Variants in INSC observed in about 807,000 individuals in gnomAD.
INSC encodes the protein protein inscuteable homolog.
In INSC, 67 loss-of-function variants were observed where a neutral mutation model predicts 58.6. The observed-to-expected ratio is 1.14, with a 90% CI of 0.94 to 1.40. The LOEUF is 1.40. Among genes scored for constraint, INSC ranks in the 40% most tolerant of loss-of-function variants. The pLI, the probability that INSC is intolerant of heterozygous loss-of-function variation, is 0.00. For synonymous variants in INSC, 262 were observed against 276.1 expected (o/e 0.95, Z 0.51); for missense variants, 714 against 692.0 (o/e 1.03, Z -0.36).
chr11:15,207,394 G>T (rs939052), intron 7 of INSC, among the ~76,000 whole-genome samples: 42,537 of 152,088 alleles, frequency 0.28, 6,580 homozygotes, highest in Non-Finnish European at 0.35. Context: ...AGAAATTAAA[G>T]ATGAGGGGAG....
At chr11:15,157,673 G>A (rs922108317) in intron 2 of INSC, among the ~76,000 whole-genome samples, 1 of 152,168 alleles carries the variant, frequency 6.6e-6, no homozygotes, top group African/African-American at 2.4e-5. Context: ...GGGATGTTCA[G>A]CACTAACACA....
At chr11:15,245,858 T>C (rs1164957289) in intron 12 of INSC, 54 bp from the exon 13 acceptor site, 1 of 1,582,928 alleles carries the variant, frequency 6.3e-7, no homozygotes, top group Non-Finnish European at 8.6e-7. Flanking sequence ...AGGAAATACA[T>C]GTACCTGACA....
chr11:15,112,634 G>A (rs1398580991), upstream of INSC: 8 of 343,168 alleles, frequency 2.3e-5, no homozygotes, highest in African/African-American at 3.4e-5. Flanking sequence ...GTGTGTGTGT[G>A]TGTATTGGGA....
chr11:15,153,053 T>C lies in INSC; in HGVS notation c.56+3823T>C, dbSNP rs371279957. Among the ~76,000 whole-genome samples the C allele has an allele frequency of 1.8e-4, 28 of 152,366 alleles. No homozygotes were observed. In the East Asian group the frequency reaches 4.8e-3, roughly 26 times the overall value. ...TTTATTCATTAGCTTTCAACAAAGT[T>C]CTTCTATAAATATTTATGGAGTGCG... is the stretch of plus-strand genomic sequence containing the variant. On this transcript the variant is annotated intron_variant, in intron 2 of 12. Coordinates refer to ENST00000379556, the MANE Select transcript of INSC (RefSeq NM_001042536.3).
intron 2 of INSC, among the ~76,000 whole-genome samples, chr11:15,162,629 G>T (rs181630052): frequency 6.6e-6 from 1 of 152,114 alleles, no homozygotes; most frequent in Non-Finnish European, 1.5e-5. Context: ...CTCCACAGGG[G>T]CTGGAATGTT....
chr11:15,256,193 A>G, the INSC span, among the ~76,000 whole-genome samples: 8 of 152,322 alleles, frequency 5.3e-5, no homozygotes, highest in African/African-American at 1.7e-4. Context: ...TTGGCTGCTC[A>G]CACCATTCCC....
intron 1 of INSC, among the ~76,000 whole-genome samples, chr11:15,147,317 T>A (rs1792536): frequency 0.32 from 47,953 of 152,128 alleles, 8,082 homozygotes; most frequent in Non-Finnish European, 0.38. Flanking sequence ...GGTGATAACA[T>A]GCTTGTTGAG....
chr11:15,238,706 G>A (rs1852223527), intron 10 of INSC, among the ~76,000 whole-genome samples: 1 of 152,160 alleles, frequency 6.6e-6, no homozygotes, highest in Non-Finnish European at 1.5e-5. Flanking sequence ...GTCTTCAGAT[G>A]CTCCTCCCAA....
chr11:15,259,479 C>G, the INSC span, among the ~76,000 whole-genome samples: 23 of 152,132 alleles, frequency 1.5e-4, no homozygotes, highest in Non-Finnish European at 4.4e-5. Flanking sequence ...CTCTTTTACT[C>G]CATACTCTCC....
rs531566604 is a variant in INSC, at chr11:15,130,880, T to G, written c.-46+15877T>G. Among the ~76,000 whole-genome samples the G allele has an allele frequency of 3.3e-4, 50 of 152,274 alleles. 2 individuals are homozygous for G. Among genetic ancestry groups the G allele is most frequent in the African/African-American group, 1.1e-3 (47 of 41,588 alleles). On this transcript the variant is annotated intron_variant, in intron 1 of 12. Coordinates refer to ENST00000379556, the MANE Select transcript of INSC (RefSeq NM_001042536.3). ...CATCTGTAGAAATAAACCTCTTTTA[T>G]TGCCAATATCATTTATTTGTTTCCT...
intron 1 of INSC, among the ~76,000 whole-genome samples, chr11:15,141,509 C>A (rs1446517628): frequency 6.6e-6 from 1 of 152,152 alleles, no homozygotes; most frequent in East Asian, 1.9e-4. Context: ...GGCTCTGACA[C>A]CTGACAGCTG....
intron 12 of INSC, among the ~76,000 whole-genome samples, chr11:15,243,713 T>A (rs1458804703): frequency 2.6e-5 from 4 of 152,118 alleles, no homozygotes; most frequent in African/African-American, 9.7e-5. Context: ...GTTTGCCTTC[T>A]CTCTTAGCAG....
rs201061980 is a variant in INSC, at chr11:15,200,872, C to T, written c.742C>T (p.Arg248Trp). 23 of 1,613,988 alleles carry T rather than the reference C, an allele frequency of 1.4e-5. No homozygotes were observed. Among genetic ancestry groups the T allele is most frequent in the East Asian group, 6.7e-5 (3 of 44,818 alleles). The change falls in exon 7 of 13, where the codon CGG becomes TGG. Residue 248 changes from arginine (R) to tryptophan (W), a missense_variant. Coordinates refer to ENST00000379556, the MANE Select transcript of INSC (RefSeq NM_001042536.3). ...LFKVCRQDSF[R>W]CLYPQALRTL... is the part of the protein sequence containing the mutation. ...CAAGGTTTGCCGGCAGGACAGTTTC[C>T]GGTGCTTGTACCCCCAGGCGCTCCG... is the stretch of plus-strand genomic sequence containing the variant.
chr11:15,130,711 A>C (rs1848104943), intron 1 of INSC, among the ~76,000 whole-genome samples: 1 of 152,148 alleles, frequency 6.6e-6, no homozygotes, highest in Admixed American at 6.5e-5. Flanking sequence ...CCTTACGGGA[A>C]GATTTTCAAC....
downstream of INSC, among the ~76,000 whole-genome samples, chr11:15,251,284 G>C: frequency 6.6e-6 from 1 of 152,166 alleles, no homozygotes; most frequent in East Asian, 1.9e-4. Context: ...CTAAGTATAA[G>C]AGCTAACACT....
At chr11:15,173,684 G>GC (rs1849479462) in intron 2 of INSC, among the ~76,000 whole-genome samples, 1 of 151,770 alleles carries the variant, frequency 6.6e-6, no homozygotes, top group Non-Finnish European at 1.5e-5. Context: ...AAATGTAATA[G>GC]CTATTTCCAT....
At chr11:15,112,479 C>G, upstream of INSC, 1 of 1,607,266 alleles carries the variant, frequency 6.2e-7, no homozygotes, top group Non-Finnish European at 8.5e-7. Flanking sequence ...CATGAGACGG[C>G]CCCCTGGCAA....
chr11:15,231,284 G>A (rs975185319), intron 9 of INSC, among the ~76,000 whole-genome samples: 1 of 152,186 alleles, frequency 6.6e-6, no homozygotes, highest in African/African-American at 2.4e-5. Flanking sequence ...GAAGCACTGG[G>A]CTTCCCCTAG....
intron 5 of INSC, among the ~76,000 whole-genome samples, chr11:15,190,467 A>G (rs1324133467): frequency 6.6e-6 from 1 of 152,238 alleles, no homozygotes; most frequent in Non-Finnish European, 1.5e-5. Flanking sequence ...GTTATGGCCT[A>G]TGTATCAAGG....
Sources: allele counts gnomAD v4.1 joint callset (sites outside exome capture counted in the v4.1 genomes callset), GRCh38; gene constraint gnomAD v4.1.1; transcripts MANE v1.5; gene names NCBI Gene and HGNC (gene_info 2026-07-23, HGNC 2026-07-21).